The following LIN28B variants were observed in gnomAD, a reference collection of about 807,000 sequenced individuals.
The protein encoded by LIN28B is lin-28 RNA binding posttranscriptional regulator B.
LIN28B carries 5 observed loss-of-function variants against 21.9 expected under a neutral mutation model. The ratio of observed to expected loss-of-function variants is 0.23; its 90% CI spans 0.12 to 0.48. The LOEUF (loss-of-function observed/expected upper bound fraction) is 0.48, where lower values mean the gene tolerates loss of function less well. Among genes scored for constraint, LIN28B ranks in the 20% least tolerant of loss-of-function variants. The probability of loss-of-function intolerance (pLI) is 0.98; values close to 1 mark genes in which losing one functional copy is unlikely to be tolerated. For missense variants in LIN28B, 245 were observed against 310.5 expected, an observed-to-expected ratio of 0.79 and a Z score of 1.58; for synonymous variants, 109 against 111.3, an observed-to-expected ratio of 0.98 and a Z score of 0.13.
upstream of LIN28B, among the ~76,000 whole-genome samples, chr6:104,953,199 C>T (rs1778241476): frequency 1.3e-5 from 2 of 152,080 alleles, no homozygotes; most frequent in African/African-American, 2.4e-5. Flanking sequence ...AGCCCTTTCT[C>T]GCCGACGTTT....
At chr6:105,076,945 C>A (rs539750020) in intron 3 of LIN28B, among the ~76,000 whole-genome samples, 1 of 151,406 alleles carries the variant, frequency 6.6e-6, no homozygotes, top group Non-Finnish European at 1.5e-5. Context: ...AACATTATAA[C>A]CTGGCTGGGT....
At chr6:105,065,196 G>A (rs1194470809) in intron 3 of LIN28B, among the ~76,000 whole-genome samples, 2 of 152,294 alleles carry the variant, frequency 1.3e-5, no homozygotes, top group African/African-American at 4.8e-5. Flanking sequence ...CTGTAGGGAT[G>A]TCTTAGCAGC....
chr6:104,977,017 G>C (rs1335638550), intron 2 of LIN28B, among the ~76,000 whole-genome samples: 1 of 151,958 alleles, frequency 6.6e-6, no homozygotes, highest in Non-Finnish European at 1.5e-5. Context: ...TGATCTGATT[G>C]AATCTACTCC....
At chr6:105,006,361 G>C (rs1193803664) in intron 2 of LIN28B, among the ~76,000 whole-genome samples, 1 of 152,100 alleles carries the variant, frequency 6.6e-6, no homozygotes, top group Admixed American at 6.6e-5. Flanking sequence ...GCCCAGGCTG[G>C]AGTATTGTGG....
At chr6:105,008,123 C>T (rs1485398639) in intron 2 of LIN28B, among the ~76,000 whole-genome samples, 2 of 152,190 alleles carry the variant, frequency 1.3e-5, no homozygotes, top group Non-Finnish European at 2.9e-5. Flanking sequence ...GAGCTTCTTC[C>T]TTGTCTATGC....
intron 3 of LIN28B, among the ~76,000 whole-genome samples, chr6:105,066,385 T>G (rs1772220755): frequency 1.3e-5 from 2 of 152,190 alleles, no homozygotes; most frequent in African/African-American, 4.8e-5. Context: ...ATATTTACTT[T>G]GCTAAAACTA....
At chr6:105,050,815 G>C (rs1170455120) in intron 3 of LIN28B, among the ~76,000 whole-genome samples, 1 of 151,124 alleles carries the variant, frequency 6.6e-6, no homozygotes. Flanking sequence ...TTTAGACAGA[G>C]ATCACCAAAA....
chr6:105,051,040 C>A (rs1000191093), intron 3 of LIN28B, among the ~76,000 whole-genome samples: 2 of 150,614 alleles, frequency 1.3e-5, no homozygotes, highest in African/African-American at 4.9e-5. Context: ...CCAAGCAAGA[C>A]CTTAGATTAA....
intron 2 of LIN28B, among the ~76,000 whole-genome samples, chr6:105,007,104 G>A (rs1770832905): frequency 6.6e-6 from 1 of 152,054 alleles, no homozygotes; most frequent in Non-Finnish European, 1.5e-5. Context: ...AAATTATATG[G>A]CTGTAATACT....
At chr6:105,067,460 C>A (rs938102337) in intron 3 of LIN28B, among the ~76,000 whole-genome samples, 4 of 152,150 alleles carry the variant, frequency 2.6e-5, no homozygotes, top group African/African-American at 9.7e-5. Flanking sequence ...CAGCACTGGC[C>A]GAGTACCCAC....
intron 2 of LIN28B, among the ~76,000 whole-genome samples, chr6:105,008,353 G>T (rs1156828317): frequency 1.3e-5 from 2 of 152,064 alleles, no homozygotes; most frequent in Non-Finnish European, 2.9e-5. Context: ...TTTCATAAAA[G>T]AGCATGCCAG....
intron 2 of LIN28B, among the ~76,000 whole-genome samples, chr6:105,020,528 A>C (rs1429975176): frequency 6.6e-6 from 1 of 151,924 alleles, no homozygotes; most frequent in Non-Finnish European, 1.5e-5. Flanking sequence ...CATGTTGCAC[A>C]GGCTGGCCTA....
At chr6:105,031,788 G>A (rs1307919938) in intron 3 of LIN28B, among the ~76,000 whole-genome samples, 5 of 152,026 alleles carry the variant, frequency 3.3e-5, no homozygotes, top group Non-Finnish European at 7.4e-5. Context: ...GCCCGCCTTG[G>A]CCTCCCAAAG....
intron 2 of LIN28B, among the ~76,000 whole-genome samples, chr6:104,997,019 T>A (rs1450672541): frequency 6.6e-6 from 1 of 152,046 alleles, no homozygotes; most frequent in African/African-American, 2.4e-5. Context: ...CAGTGGTTCA[T>A]GCCTGTAATC....
At chr6:104,993,405 G>A (rs1029064869) in intron 2 of LIN28B, among the ~76,000 whole-genome samples, 1 of 152,054 alleles carries the variant, frequency 6.6e-6, no homozygotes, top group African/African-American at 2.4e-5. Flanking sequence ...GATTTCGACT[G>A]TAGTGAGCTG....
intron 3 of LIN28B, among the ~76,000 whole-genome samples, chr6:105,033,097 TAG>T (rs1771457193): frequency 6.6e-6 from 1 of 152,342 alleles, no homozygotes; most frequent in Admixed American, 6.5e-5. Flanking sequence ...ATGATCCATT[TAG>T]AGTTAGTTTT....
chr6:104,995,090 C>T (rs1348117424), intron 2 of LIN28B, among the ~76,000 whole-genome samples: 1 of 152,082 alleles, frequency 6.6e-6, no homozygotes, highest in Non-Finnish European at 1.5e-5. Flanking sequence ...ATTTCAAAAT[C>T]CCAGAAATGT....
At chr6:104,949,037 G>GTT (rs757071978) in intron 2 of LIN28B, among the ~76,000 whole-genome samples, 3 of 143,680 alleles carry the variant, frequency 2.1e-5, no homozygotes, top group Non-Finnish European at 4.6e-5. Context: ...TATTTGCAAA[G>GTT]TTTTTTTTTT....
At chr6:104,994,484 C>G (rs1582885007) in intron 2 of LIN28B, among the ~76,000 whole-genome samples, 2 of 152,154 alleles carry the variant, frequency 1.3e-5, no homozygotes, top group Middle Eastern at 3.2e-3. Flanking sequence ...GCTCTGTCTT[C>G]AAGGACCTTG....
Sources: allele counts gnomAD v4.1 joint callset (sites outside exome capture counted in the v4.1 genomes callset), GRCh38; gene constraint gnomAD v4.1.1; transcripts MANE v1.5; gene names NCBI Gene and HGNC (gene_info 2026-07-23, HGNC 2026-07-21).